Variants in SLC16A7 observed in about 807,000 individuals in gnomAD.
SLC16A7 encodes the protein monocarboxylate transporter 2.
SLC16A7 carries 33 observed loss-of-function variants against 34.9 expected under a neutral mutation model. The observed-to-expected ratio is 0.94, with a 90% CI of 0.72 to 1.26. The LOEUF (loss-of-function observed/expected upper bound fraction) is 1.26, where lower values mean the gene tolerates loss of function less well. Among genes scored for constraint, SLC16A7 ranks in the 50% most tolerant of loss-of-function variants. The pLI is 0.00. For synonymous variants in SLC16A7, 201 were observed against 206.6 expected (o/e 0.97, Z 0.23); for missense variants, 573 against 578.1 (o/e 0.99, Z 0.09).
chr12:59,651,926 G>T (rs566080480), intron 1 of SLC16A7, among the ~76,000 whole-genome samples: 2 of 152,072 alleles, frequency 1.3e-5, no homozygotes, highest in Non-Finnish European at 2.9e-5. Context: ...GCTAACTACT[G>T]TCATAAGGTA....
intron 3 of SLC16A7, among the ~76,000 whole-genome samples, chr12:59,745,195 A>G (rs546436169): frequency 2.6e-5 from 4 of 152,300 alleles, no homozygotes; most frequent in East Asian, 1.9e-4. Context: ...TGTCTTTTTC[A>G]TATCTGAAGA....
At chr12:59,623,587 T>C (rs1186107601) in intron 1 of SLC16A7, among the ~76,000 whole-genome samples, 4 of 151,816 alleles carry the variant, frequency 2.6e-5, no homozygotes, top group Non-Finnish European at 5.9e-5. Context: ...ATTTTGTGGC[T>C]AAATGCAATT....
intron 3 of SLC16A7, among the ~76,000 whole-genome samples, chr12:59,709,832 T>C (rs998813681): frequency 1.3e-5 from 2 of 151,630 alleles, no homozygotes; most frequent in African/African-American, 4.9e-5. Flanking sequence ...CACTCCTCTA[T>C]ATTTCCCAGC....
At position 59,733,921 on chromosome 12, in the gene SLC16A7, G is replaced by A. The variant is rs566733205; in HGVS notation, c.217+28903G>A. On this transcript the variant is annotated intron_variant, in intron 3 of 5. Coordinates refer to ENST00000547379, the MANE Select transcript of SLC16A7 (RefSeq NM_001270623.2). ...CCTTCCCACAGCTGGTAATCCTGACGTCTGTGTGAGTCTGGCAGAGTCTGG... is the reference window on the plus strand; with the variant it reads ...CCTTCCCACAGCTGGTAATCCTGACATCTGTGTGAGTCTGGCAGAGTCTGG... The A allele has an allele frequency of 1.3e-4, 54 of 428,664 alleles. 1 individual carries two copies. The highest frequency in any genetic ancestry group is 5.2e-4 in the African/African-American group (26 of 49,562). 26.6% of individuals were successfully genotyped at this position (428,664 alleles called of 1,614,324 possible).
chr12:59,704,059 G>A (rs1466758328), intron 2 of SLC16A7, among the ~76,000 whole-genome samples: 4 of 151,018 alleles, frequency 2.6e-5, no homozygotes, highest in Non-Finnish European at 4.4e-5. Context: ...AAAATTAGCC[G>A]GGCATGGTGG....
chr12:59,647,043 G>A (rs1193419067), intron 1 of SLC16A7, among the ~76,000 whole-genome samples: 2 of 152,160 alleles, frequency 1.3e-5, no homozygotes, highest in Admixed American at 6.5e-5. Flanking sequence ...ACAGACAGAA[G>A]GGACTTCCCT....
chr12:59,764,741 A>G (rs1009392795), intron 3 of SLC16A7, among the ~76,000 whole-genome samples: 1 of 152,106 alleles, frequency 6.6e-6, no homozygotes, highest in Non-Finnish European at 1.5e-5. Context: ...ATTGTTGGAC[A>G]TTTGGGTTGG....
chr12:59,668,422 G>T (rs1795900), intron 2 of SLC16A7, among the ~76,000 whole-genome samples: 7,324 of 152,260 alleles, frequency 0.048, 611 homozygotes, highest in African/African-American at 0.17. Context: ...AATCAAAGGA[G>T]ATCATTTTGG....
At chr12:59,667,201 G>T (rs1390116216) in intron 2 of SLC16A7, among the ~76,000 whole-genome samples, 3 of 152,138 alleles carry the variant, frequency 2.0e-5, no homozygotes, top group Admixed American at 6.5e-5. Context: ...CCCACAACAC[G>T]TGGGAATTCT....
In SLC16A7 at chr12:59,780,095, A is replaced by T. The variant is rs1883131969; in HGVS notation, c.*416A>T. 1 of 160,638 alleles carries T rather than the reference A, an allele frequency of 6.2e-6. No homozygotes were observed. The highest frequency in any genetic ancestry group is 1.8e-4 in the East Asian group (1 of 5,422). The allele number at this position is 160,638 out of a possible 1,614,324, so 10.0% of individuals were successfully genotyped here. A position where few individuals can be genotyped will look rare whatever the true frequency, so the allele number is the denominator to read the frequency against. On this transcript the variant is annotated 3_prime_UTR_variant, in exon 6 of 6. Transcript: ENST00000547379. ...ATTTTTTATTTGATATTAAAGTATGAGATAGAGTTGAGAGACAATTAATTA... is the reference window on the plus strand; with the variant it reads ...ATTTTTTATTTGATATTAAAGTATGTGATAGAGTTGAGAGACAATTAATTA...
rs1371314765 is a variant in SLC16A7, at chr12:59,779,491, G to A, written c.1249G>A (p.Ala417Thr). Residue 417 changes from alanine to threonine, a missense_variant, in exon 6 of 6, where the codon GCA becomes ACA. By Grantham distance (58) the Ala-to-Thr change is moderately conservative (BLOSUM62 0). Transcript: ENST00000547379. ...GTCCTGTGGGGCTATTGTGGTAGCA[G>A]CAAGCGTGTGGCTGCTCATTGGCAA... The part of the protein sequence containing the change: ...YMSCGAIVVA[A>T]SVWLLIGNAI... 1.1e-5 allele frequency: 18 copies of A among 1,612,394 alleles called. No individual in the cohort carries two copies. Among genetic ancestry groups the A allele is most frequent in the Non-Finnish European group, 1.5e-5 (18 of 1,178,820 alleles).
At chr12:59,637,277 C>T (rs1482693984) in intron 1 of SLC16A7, among the ~76,000 whole-genome samples, 2 of 152,054 alleles carry the variant, frequency 1.3e-5, no homozygotes, top group South Asian at 2.1e-4. Flanking sequence ...TCAAATCTGT[C>T]GTGTGCTGCC....
At chr12:59,744,073 A>C (rs1247987808) in intron 3 of SLC16A7, among the ~76,000 whole-genome samples, 1 of 152,230 alleles carries the variant, frequency 6.6e-6, no homozygotes, top group Non-Finnish European at 1.5e-5. Flanking sequence ...ATGCACATAT[A>C]TTATCTTGCG....
At chr12:59,752,939 G>A (rs1879773221) in intron 3 of SLC16A7, among the ~76,000 whole-genome samples, 1 of 152,186 alleles carries the variant, frequency 6.6e-6, no homozygotes, top group Admixed American at 6.5e-5. Flanking sequence ...GAAGAGAGTG[G>A]AGGCCAATAT....
At chr12:59,602,985 G>T (rs1228691478) in intron 1 of SLC16A7, among the ~76,000 whole-genome samples, 1 of 152,034 alleles carries the variant, frequency 6.6e-6, no homozygotes, top group Non-Finnish European at 1.5e-5. Flanking sequence ...GTATCCTGTG[G>T]TCTCTTCCTT....
rs547438337 is a variant in SLC16A7 at position 59,716,931 on chromosome 12, C to T, written c.217+11913C>T. ...CTTTTTGGTTCTATTAGGAAAAAAT[C>T]GTATAGTAAGTTCAAAACATTTAGG... On this transcript the variant is annotated intron_variant, in intron 3 of 5. Coordinates refer to ENST00000547379, the MANE Select transcript of SLC16A7 (RefSeq NM_001270623.2). 2.6e-5 allele frequency among the ~76,000 whole-genome samples: 4 copies of T among 152,172 alleles called. No homozygotes were observed. In the South Asian group the frequency reaches 6.2e-4, roughly 24 times the overall value.
At chr12:59,647,806 G>A (rs763389836) in intron 1 of SLC16A7, among the ~76,000 whole-genome samples, 3 of 152,072 alleles carry the variant, frequency 2.0e-5, no homozygotes, top group Non-Finnish European at 4.4e-5. Flanking sequence ...ACTTTGGGAG[G>A]TCTAGTTGGG....
chr12:59,723,146 A>G (rs1443343391), intron 3 of SLC16A7, among the ~76,000 whole-genome samples: 1 of 151,852 alleles, frequency 6.6e-6, no homozygotes, highest in African/African-American at 2.4e-5. Flanking sequence ...CCTGGCATAT[A>G]GTAGACAATA....
At chr12:59,661,034 G>C (rs886944567) in intron 2 of SLC16A7, among the ~76,000 whole-genome samples, 3 of 151,978 alleles carry the variant, frequency 2.0e-5, no homozygotes, top group Non-Finnish European at 4.4e-5. Context: ...CTACATACCC[G>C]ATCATATTAC....
Sources: allele counts gnomAD v4.1 joint callset (sites outside exome capture counted in the v4.1 genomes callset), GRCh38; gene constraint gnomAD v4.1.1; transcripts MANE v1.5; gene names NCBI Gene and HGNC (gene_info 2026-07-23, HGNC 2026-07-21).